Variants in WDFY4 observed in about 807,000 individuals in gnomAD.
WDFY4 encodes the protein WDFY family member 4.
A neutral mutation model predicts 351.9 loss-of-function variants in WDFY4; 169 were observed. The ratio of observed to expected loss-of-function variants is 0.48; its 90% CI spans 0.42 to 0.55. The LOEUF is 0.55. Ranked by LOEUF, WDFY4 falls within the 20% of genes least tolerant of loss-of-function variation. The pLI, the probability that WDFY4 is intolerant of heterozygous loss-of-function variation, is 0.00. For synonymous variants in WDFY4, 1,622 were observed against 1,574.6 expected (o/e 1.03, Z -0.71); for missense variants, 3,803 against 3,935.6 (o/e 0.97, Z 0.90).
chr10:48,696,715 A>G (rs902262421), intron 1 of WDFY4, among the ~76,000 whole-genome samples: 1 of 152,262 alleles, frequency 6.6e-6, no homozygotes, highest in Non-Finnish European at 1.5e-5. Flanking sequence ...TACAAAGGCC[A>G]TGTGGGCTGA....
intron 35 of WDFY4, chr10:48,823,363 A>G (rs1339903468): frequency 4.0e-6 from 5 of 1,263,396 alleles, no homozygotes; most frequent in Non-Finnish European, 5.1e-6. Flanking sequence ...AACTCCTGCC[A>G]GCAGTCCTGG....
At chr10:48,734,853 G>A (rs1010899662) in intron 10 of WDFY4, among the ~76,000 whole-genome samples, 1 of 149,232 alleles carries the variant, frequency 6.7e-6, no homozygotes, top group Non-Finnish European at 1.5e-5. Flanking sequence ...TTGGCTCACT[G>A]TACCCTCCAC....
intron 47 of WDFY4, among the ~76,000 whole-genome samples, chr10:48,905,156 C>A (rs1837553487): frequency 6.6e-6 from 1 of 152,130 alleles, no homozygotes; most frequent in Non-Finnish European, 1.5e-5. Flanking sequence ...AGCTCTCTGT[C>A]CATTATTTGT....
intron 23 of WDFY4, among the ~76,000 whole-genome samples, chr10:48,791,309 GC>G (rs1251228951): frequency 1.3e-5 from 2 of 152,214 alleles, no homozygotes; most frequent in African/African-American, 4.8e-5. Flanking sequence ...CTTATCCTCT[GC>G]CTGTTTCCCC....
At chr10:48,787,953 T>TCTTCTTCTC in intron 20 of WDFY4, among the ~76,000 whole-genome samples, 1 of 93,638 alleles carries the variant, frequency 1.1e-5, no homozygotes, top group South Asian at 4.0e-4. Flanking sequence ...TTCTTCTTCT[T>TCTTCTTCTC]CTTCTTCTTC....
chr10:48,777,583 G>T, intron 17 of WDFY4, 88 bp downstream of exon 17: 1 of 1,308,924 alleles, frequency 7.6e-7, no homozygotes, highest in South Asian at 1.3e-5. Flanking sequence ...TTTACTTGGT[G>T]TTTCAATAAA....
At chr10:48,802,470 G>A (rs2067117284) in intron 24 of WDFY4, among the ~76,000 whole-genome samples, 1 of 152,146 alleles carries the variant, frequency 6.6e-6, no homozygotes, top group African/African-American at 2.4e-5. Context: ...TCTTTTTGCT[G>A]CTATATGAGT....
At chr10:48,811,436 A>T in intron 29 of WDFY4, 103 bp from the exon 30 acceptor site, 1 of 975,498 alleles carries the variant, frequency 1.0e-6, no homozygotes. Flanking sequence ...CAGCATTTCT[A>T]TGGGATGGGT....
chr10:48,807,168 G>T (rs996609260), intron 27 of WDFY4, among the ~76,000 whole-genome samples: 1 of 152,166 alleles, frequency 6.6e-6, no homozygotes, highest in African/African-American at 2.4e-5. Flanking sequence ...GTATGGCGTG[G>T]TGTATGCCCT....
chr10:48,726,219 T>TG (rs2064261963), intron 6 of WDFY4, 149 bp downstream of exon 6: 1 of 901,776 alleles, frequency 1.1e-6, no homozygotes, highest in Non-Finnish European at 1.6e-6. Context: ...AAGAGATGAA[T>TG]GAGCAGCCAT....
chr10:48,692,141 G>A lies in WDFY4; in HGVS notation c.-18+7140G>A, dbSNP rs543758331. 3.9e-5 allele frequency among the ~76,000 whole-genome samples: 6 copies of A among 152,364 alleles called. No individual in the cohort carries two copies. The East Asian group carries it at 1.2e-3, about 29-fold the overall frequency. On this transcript the variant is annotated intron_variant, in intron 1 of 61. Coordinates refer to ENST00000325239, the MANE Select transcript of WDFY4 (RefSeq NM_001394531.1). Reference sequence around the variant, plus strand: ...TGCATAGCAGCTCCACGTGGTCTCAGCCTTCGAGTGGTGTGTAGGGTGATT... The same window carrying A: ...TGCATAGCAGCTCCACGTGGTCTCAACCTTCGAGTGGTGTGTAGGGTGATT...
chr10:48,756,527 G>A (rs2065342590), intron 12 of WDFY4, among the ~76,000 whole-genome samples: 1 of 151,932 alleles, frequency 6.6e-6, no homozygotes, highest in African/African-American at 2.4e-5. Context: ...GCAATGGAGA[G>A]ATCCTTGCTT....
At chr10:48,889,212 G>A (rs372520892) in intron 43 of WDFY4, among the ~76,000 whole-genome samples, 49 of 152,300 alleles carry the variant, frequency 3.2e-4, no homozygotes, top group South Asian at 2.1e-3. Flanking sequence ...AGAGGCTCTC[G>A]GCTGGTCCTA....
intron 12 of WDFY4, among the ~76,000 whole-genome samples, chr10:48,744,678 A>C (rs951048437): frequency 3.9e-5 from 6 of 152,136 alleles, no homozygotes; most frequent in Admixed American, 3.9e-4. Context: ...TCCCTAGCTA[A>C]TGTGACAGAA....
At chr10:48,793,926 C>A (rs1483010984) in intron 23 of WDFY4, among the ~76,000 whole-genome samples, 1 of 152,168 alleles carries the variant, frequency 6.6e-6, no homozygotes, top group Non-Finnish European at 1.5e-5. Context: ...TCAGACTAAG[C>A]AATAGCCAGC....
chr10:48,805,069 C>T (rs1010802290), intron 25 of WDFY4, among the ~76,000 whole-genome samples, 191 bp from the exon 26 acceptor site: 4 of 152,040 alleles, frequency 2.6e-5, no homozygotes, highest in Non-Finnish European at 4.4e-5. Flanking sequence ...CAGTGCACAC[C>T]CGAGCGACTC....
chr10:48,880,899 G>C (rs913774228), intron 43 of WDFY4, among the ~76,000 whole-genome samples: 1 of 152,118 alleles, frequency 6.6e-6, no homozygotes, highest in Non-Finnish European at 1.5e-5. Context: ...GGCAGGGCAG[G>C]GTCCCTGGTG....
chr10:48,792,659 T>G (rs2066722159), intron 23 of WDFY4, among the ~76,000 whole-genome samples: 1 of 152,248 alleles, frequency 6.6e-6, no homozygotes, highest in Admixed American at 6.5e-5. Flanking sequence ...AATCATTTCC[T>G]GCCCTCATGA....
At chr10:48,803,197 A>G in intron 24 of WDFY4, 89 bp from the exon 25 acceptor site, 1 of 1,270,106 alleles carries the variant, frequency 7.9e-7, no homozygotes, top group Non-Finnish European at 1.1e-6. Flanking sequence ...TCAGAGGATC[A>G]CCTGTCCAGC....
Sources: allele counts gnomAD v4.1 joint callset (sites outside exome capture counted in the v4.1 genomes callset), GRCh38; gene constraint gnomAD v4.1.1; transcripts MANE v1.5; gene names NCBI Gene and HGNC (gene_info 2026-07-23, HGNC 2026-07-21).